The following ZNF438 variants were observed in gnomAD, a reference collection of about 807,000 sequenced individuals.
The protein encoded by ZNF438 is zinc finger protein 438.
ZNF438 carries 25 observed loss-of-function variants against 38.0 expected under a neutral mutation model. That is an observed-to-expected ratio of 0.66 (90% CI 0.48 to 0.92). The LOEUF (loss-of-function observed/expected upper bound fraction) is 0.92, where lower values mean the gene tolerates loss of function less well. Among genes scored for constraint, ZNF438 ranks in the 40% least tolerant of loss-of-function variants. ZNF438 has a pLI of 0.00. For synonymous variants in ZNF438, 372 were observed against 364.1 expected (o/e 1.02, Z -0.25); for missense variants, 1,007 against 999.6 (o/e 1.01, Z -0.10).
intron 1 of ZNF438, among the ~76,000 whole-genome samples, chr10:30,957,256 T>C (rs11008315): frequency 0.4 from 61,006 of 152,070 alleles, 12,477 homozygotes; most frequent in Admixed American, 0.44. Context: ...CTTTTTGCTA[T>C]TGAGTTGTTC....
At chr10:30,885,080 A>T (rs1426380060) in intron 3 of ZNF438, among the ~76,000 whole-genome samples, 1 of 152,242 alleles carries the variant, frequency 6.6e-6, no homozygotes, top group African/African-American at 2.4e-5. Context: ...TAGGGAATAA[A>T]CATGTCATAT....
intron 2 of ZNF438, among the ~76,000 whole-genome samples, chr10:30,911,854 G>A (rs907433605): frequency 6.6e-6 from 1 of 152,060 alleles, no homozygotes; most frequent in African/African-American, 2.4e-5. Context: ...ACCTACCAAA[G>A]TGGCTCCAGT....
At position 30,962,071 on chromosome 10, in the gene ZNF438, G is replaced by A. The variant is rs1028308133; in HGVS notation, c.-191-20420C>T. 2.7e-5 allele frequency among the ~76,000 whole-genome samples: 4 copies of A among 146,408 alleles called. 1 individual carries two copies. Among genetic ancestry groups the A allele is most frequent in the Non-Finnish European group, 6.2e-5 (4 of 64,674 alleles). The stretch of plus-strand genomic sequence containing the variant: ...TTTTTCTTCTTAAGGTTACAAAAGC[G>A]AAAAGTCTTATTTCACCTCCAACCC... On this transcript the variant is annotated intron_variant, in intron 1 of 5. Transcript: ENST00000413025.
intron 1 of ZNF438, among the ~76,000 whole-genome samples, chr10:31,023,973 A>ATTG (rs764671879): frequency 3.9e-5 from 6 of 152,250 alleles, no homozygotes; most frequent in Non-Finnish European, 8.8e-5. Flanking sequence ...TCCCCTACCC[A>ATTG]GCAAGTATGG....
intron 1 of ZNF438, among the ~76,000 whole-genome samples, chr10:30,970,997 G>A (rs1343563484): frequency 6.6e-6 from 1 of 152,166 alleles, no homozygotes; most frequent in Non-Finnish European, 1.5e-5. Flanking sequence ...TGGGGACTTG[G>A]TAAAGGCCAA....
intron 3 of ZNF438, among the ~76,000 whole-genome samples, chr10:30,896,257 CG>C (rs1170895425): frequency 6.7e-6 from 1 of 148,388 alleles, no homozygotes; most frequent in Non-Finnish European, 1.5e-5. Flanking sequence ...GACCGCGCCA[CG>C]GCACTCCAGC....
chr10:31,014,516 GC>G (rs2056017962), intron 1 of ZNF438, among the ~76,000 whole-genome samples: 1 of 152,142 alleles, frequency 6.6e-6, no homozygotes, highest in East Asian at 1.9e-4. Context: ...TCTATCAAAG[GC>G]CCCATCTCTA....
At chr10:30,987,043 C>T (rs1015431971) in intron 1 of ZNF438, among the ~76,000 whole-genome samples, 3 of 152,112 alleles carry the variant, frequency 2.0e-5, no homozygotes, top group African/African-American at 7.2e-5. Context: ...GTGCCCAAAA[C>T]TGCAATATAT....
intron 1 of ZNF438, among the ~76,000 whole-genome samples, chr10:31,009,952 G>A (rs1035225628): frequency 1.3e-5 from 2 of 149,598 alleles, no homozygotes; most frequent in Non-Finnish European, 3.0e-5. Context: ...AAGTTCAAGC[G>A]ATTCTCCTGC....
rs2038540547 is a variant in ZNF438 at position 30,877,060 on chromosome 10, T to C, written c.-26A>G. 2.5e-6 allele frequency: 4 copies of C among 1,589,244 alleles called. No homozygotes were observed. The Admixed American group carries it at 6.9e-5, about 28-fold the overall frequency. The stretch of plus-strand genomic sequence containing the variant: ...TATGATGTACTGGACTTGAATAGTA[T>C]CTTTCCTAAAAATAAGCAAGCACAA... On this transcript the variant is annotated 5_prime_UTR_variant, in exon 4 of 6. Coordinates refer to ENST00000413025, the Ensembl canonical transcript of ZNF438.
intron 1 of ZNF438, among the ~76,000 whole-genome samples, chr10:30,957,747 A>G (rs1207915639): frequency 2.0e-5 from 3 of 152,072 alleles, no homozygotes; most frequent in Admixed American, 6.6e-5. Context: ...TTTGGTTACT[A>G]TTGGTTAATA....
intron 1 of ZNF438, among the ~76,000 whole-genome samples, chr10:30,944,620 T>A (rs1381108097): frequency 6.6e-6 from 1 of 152,194 alleles, no homozygotes. Context: ...GGTGGGGAGA[T>A]TTCTAATTAA....
At chr10:30,902,381 C>T (rs1589109097) in intron 3 of ZNF438, among the ~76,000 whole-genome samples, 1 of 151,842 alleles carries the variant, frequency 6.6e-6, no homozygotes, top group African/African-American at 2.4e-5. Context: ...TTGAGCTAGA[C>T]AGAGTGCTGA....
At chr10:30,905,100 C>A (rs1253311992) in intron 3 of ZNF438, among the ~76,000 whole-genome samples, 1 of 152,168 alleles carries the variant, frequency 6.6e-6, no homozygotes, top group Non-Finnish European at 1.5e-5. Flanking sequence ...ACATTTACCC[C>A]TTTACAGTGT....
chr10:30,899,725 T>C (rs1401135338), intron 3 of ZNF438, among the ~76,000 whole-genome samples: 1 of 152,054 alleles, frequency 6.6e-6, no homozygotes, highest in Non-Finnish European at 1.5e-5. Flanking sequence ...CAAATCTTAA[T>C]ACTCTAGTGA....
chr10:30,901,079 G>T lies in ZNF438; in HGVS notation c.-32+7854C>A, dbSNP rs1268394293. On this transcript the variant is annotated intron_variant, in intron 3 of 5. Coordinates refer to ENST00000413025, the Ensembl canonical transcript of ZNF438. ...TGGTATTTGCAGATTTATAGTATTT[G>T]CCCATTACTGATACATTAGCAATAA... Among the ~76,000 whole-genome samples, 4 of 152,224 alleles carry T rather than the reference G, an allele frequency of 2.6e-5. No homozygotes were observed. In the East Asian group the frequency reaches 7.7e-4, roughly 29 times the overall value.
At chr10:30,918,296 T>C (rs544629549) in intron 2 of ZNF438, among the ~76,000 whole-genome samples, 1 of 152,324 alleles carries the variant, frequency 6.6e-6, no homozygotes, top group East Asian at 1.9e-4. Flanking sequence ...ATTAGCTTGC[T>C]AATTTTACAA....
At chr10:30,938,716 G>C (rs940762139) in intron 2 of ZNF438, among the ~76,000 whole-genome samples, 2 of 152,174 alleles carry the variant, frequency 1.3e-5, no homozygotes, top group African/African-American at 4.8e-5. Context: ...ATCATATATT[G>C]TTTTCAATGT....
intron 1 of ZNF438, among the ~76,000 whole-genome samples, chr10:30,963,679 AGACCAGC>A (rs2049792185): frequency 6.6e-6 from 1 of 152,052 alleles, no homozygotes; most frequent in African/African-American, 2.4e-5. Flanking sequence ...CAGGAGTTTA[AGACCAGC>A]CCGGCCAAGA....
Sources: allele counts gnomAD v4.1 joint callset (sites outside exome capture counted in the v4.1 genomes callset), GRCh38; gene constraint gnomAD v4.1.1; transcripts MANE v1.5; gene names NCBI Gene and HGNC (gene_info 2026-07-23, HGNC 2026-07-21).